CSMD1: variants seen among roughly 807,000 people sequenced by gnomAD.
CSMD1 encodes the protein CUB and sushi domain-containing protein 1.
Under a neutral mutation model 417.5 loss-of-function variants are expected in CSMD1, and 213 were observed. That is an observed-to-expected ratio of 0.51 (90% CI 0.46 to 0.57). The LOEUF (loss-of-function observed/expected upper bound fraction) is 0.57, where lower values mean the gene tolerates loss of function less well. Ranked by LOEUF, CSMD1 falls within the 20% of genes least tolerant of loss-of-function variation. CSMD1 has a pLI of 0.00. For synonymous variants in CSMD1, 2,862 were observed against 1,736.8 expected (o/e 1.65, Z -16.11); for missense variants, 6,923 against 4,529.7 (o/e 1.53, Z -15.17).
chr8:4,671,762 C>T (rs183945626), intron 1 of CSMD1, among the ~76,000 whole-genome samples: 25 of 152,228 alleles, frequency 1.6e-4, no homozygotes, highest in African/African-American at 4.3e-4. Flanking sequence ...TGTGCTTGCA[C>T]GCTCACAAGC....
chr8:4,032,124 GA>G, intron 3 of CSMD1, 25 bp from the exon 4 acceptor site: 3 of 1,549,026 alleles, frequency 1.9e-6, no homozygotes, highest in Non-Finnish European at 2.6e-6. Context: ...AAAGAAAGGA[GA>G]AAAAACAAGT....
chr8:3,901,443 C>G (rs530390886), intron 5 of CSMD1, among the ~76,000 whole-genome samples: 2 of 152,312 alleles, frequency 1.3e-5, no homozygotes, highest in East Asian at 1.9e-4. Flanking sequence ...TGGTCTTACT[C>G]TAATGACTTC....
intron 1 of CSMD1, among the ~76,000 whole-genome samples, chr8:4,746,357 G>T (rs527403370): frequency 1.3e-5 from 2 of 152,278 alleles, no homozygotes; most frequent in African/African-American, 4.8e-5. Flanking sequence ...CAAGGGCTAT[G>T]GTTTTAAGCG....
In CSMD1 at chr8:3,028,164, T is replaced by C. The variant is rs1055729869; in HGVS notation, c.7855+1155A>G. On this transcript the variant is annotated intron_variant, in intron 51 of 69. Transcript: ENST00000635120. ...AATTAATAAGTGTCTGTTTTTAAGATCCTATTTCTGGTTTGAAATCGACAA... is the reference window on the plus strand; with the variant it reads ...AATTAATAAGTGTCTGTTTTTAAGACCCTATTTCTGGTTTGAAATCGACAA... Among the ~76,000 whole-genome samples, 12 of 152,178 alleles carry C rather than the reference T, an allele frequency of 7.9e-5. No homozygotes were observed. In the South Asian group the frequency reaches 1.0e-3, roughly 13 times the overall value.
intron 1 of CSMD1, among the ~76,000 whole-genome samples, chr8:4,720,233 A>G (rs1175904282): frequency 4.6e-5 from 7 of 151,766 alleles, no homozygotes. Context: ...GTAATAATAT[A>G]TAAAGGGAAT....
intron 5 of CSMD1, among the ~76,000 whole-genome samples, chr8:3,863,943 G>A (rs1232139632): frequency 2.0e-5 from 3 of 152,156 alleles, no homozygotes; most frequent in Non-Finnish European, 4.4e-5. Context: ...GACCTCCAGA[G>A]GTTTAGAGGT....
intron 10 of CSMD1, among the ~76,000 whole-genome samples, chr8:3,501,323 T>G (rs1796592455): frequency 1.3e-5 from 2 of 152,192 alleles, no homozygotes; most frequent in Admixed American, 1.3e-4. Context: ...TCATTGGGTT[T>G]CTTCCTTGAT....
chr8:4,303,081 A>T (rs1563418934), intron 3 of CSMD1, among the ~76,000 whole-genome samples: 1 of 152,162 alleles, frequency 6.6e-6, no homozygotes, highest in African/African-American at 2.4e-5. Flanking sequence ...GATTTTACAC[A>T]GACAATTTTT....
chr8:3,058,756 A>T (rs1253252470), intron 49 of CSMD1, among the ~76,000 whole-genome samples: 6 of 151,874 alleles, frequency 4.0e-5, no homozygotes, highest in Admixed American at 3.9e-4. Flanking sequence ...GATTTAGACT[A>T]TCCTAAATGC....
At chr8:4,157,419 C>T (rs553262067) in intron 3 of CSMD1, among the ~76,000 whole-genome samples, 1 of 152,230 alleles carries the variant, frequency 6.6e-6, no homozygotes, top group African/African-American at 2.4e-5. Context: ...TATTTTCGTC[C>T]TTTTTCTTTC....
intron 3 of CSMD1, among the ~76,000 whole-genome samples, chr8:4,235,978 G>A (rs1201306070): frequency 1.3e-5 from 2 of 149,132 alleles, no homozygotes; most frequent in Admixed American, 1.3e-4. Context: ...AAGCTACCTA[G>A]CAAGTGATTC....
At chr8:4,515,343 G>C (rs551899591) in intron 2 of CSMD1, among the ~76,000 whole-genome samples, 8 of 152,102 alleles carry the variant, frequency 5.3e-5, no homozygotes, top group Non-Finnish European at 1.0e-4. Flanking sequence ...TTATGGCCTC[G>C]CTTGATAGGT....
At chr8:3,958,070 A>G (rs1246230892) in intron 5 of CSMD1, among the ~76,000 whole-genome samples, 1 of 152,226 alleles carries the variant, frequency 6.6e-6, no homozygotes, top group African/African-American at 2.4e-5. Context: ...TTCATGTGCT[A>G]TCTTAACTTT....
At chr8:4,796,786 A>G (rs933011418) in intron 1 of CSMD1, among the ~76,000 whole-genome samples, 1 of 152,112 alleles carries the variant, frequency 6.6e-6, no homozygotes, top group Non-Finnish European at 1.5e-5. Flanking sequence ...TTTTGCAATC[A>G]CGGTGAGTAA....
chr8:3,281,997 G>C (rs767668256), intron 26 of CSMD1, among the ~76,000 whole-genome samples: 2 of 152,142 alleles, frequency 1.3e-5, no homozygotes, highest in African/African-American at 2.4e-5. Flanking sequence ...TGGAAGATGT[G>C]ACTGCTTCCC....
chr8:4,502,302 C>G (rs1221909657), intron 2 of CSMD1, among the ~76,000 whole-genome samples: 1 of 152,066 alleles, frequency 6.6e-6, no homozygotes, highest in African/African-American at 2.4e-5. Context: ...GAGGCTCAGT[C>G]TTTACAGTAA....
chr8:3,563,254 T>C (rs953634678), intron 10 of CSMD1, among the ~76,000 whole-genome samples: 1 of 152,016 alleles, frequency 6.6e-6, no homozygotes, highest in African/African-American at 2.4e-5. Flanking sequence ...ACCGGGATTT[T>C]AGTGACTTTT....
intron 5 of CSMD1, among the ~76,000 whole-genome samples, chr8:3,946,899 C>G (rs1811267016): frequency 6.6e-6 from 1 of 152,108 alleles, no homozygotes; most frequent in African/African-American, 2.4e-5. Flanking sequence ...TGATCTCAAA[C>G]CATGCAACAG....
At chr8:4,153,402 C>T (rs578095824) in intron 3 of CSMD1, among the ~76,000 whole-genome samples, 1 of 152,278 alleles carries the variant, frequency 6.6e-6, no homozygotes, top group African/African-American at 2.4e-5. Flanking sequence ...TTCTAGGTTC[C>T]CTAGCCTCAT....
Sources: allele counts gnomAD v4.1 joint callset (sites outside exome capture counted in the v4.1 genomes callset), GRCh38; gene constraint gnomAD v4.1.1; transcripts MANE v1.5; gene names NCBI Gene and HGNC (gene_info 2026-07-23, HGNC 2026-07-21).